Variants in ZFPM2 observed in about 807,000 individuals in gnomAD.
ZFPM2 encodes the protein zinc finger protein ZFPM2.
Under a neutral mutation model 98.6 loss-of-function variants are expected in ZFPM2, and 20 were observed. The ratio of observed to expected loss-of-function variants is 0.20; its 90% CI spans 0.14 to 0.29. ZFPM2 has a LOEUF of 0.29. Among genes scored for constraint, ZFPM2 ranks in the 10% least tolerant of loss-of-function variants. The probability of loss-of-function intolerance (pLI) is 1.00; values close to 1 mark genes in which losing one functional copy is unlikely to be tolerated. For synonymous variants in ZFPM2, 518 were observed against 502.7 expected (o/e 1.03, Z -0.41); for missense variants, 1,310 against 1,388.6 (o/e 0.94, Z 0.90).
At chr8:105,482,274 A>G (rs1024351049) in intron 3 of ZFPM2, among the ~76,000 whole-genome samples, 9 of 152,102 alleles carry the variant, frequency 5.9e-5, no homozygotes, top group African/African-American at 2.2e-4. Context: ...TTTTGGCTAT[A>G]ATTCTGTTTA....
intron 4 of ZFPM2, among the ~76,000 whole-genome samples, chr8:105,630,824 C>T (rs1488518949): frequency 1.3e-5 from 2 of 151,880 alleles, no homozygotes; most frequent in African/African-American, 4.8e-5. Context: ...ACAAGTAAAC[C>T]ATTAATATTG....
At chr8:105,694,962 TTA>T (rs1810980375) in intron 5 of ZFPM2, among the ~76,000 whole-genome samples, 1 of 152,126 alleles carries the variant, frequency 6.6e-6, no homozygotes, top group Non-Finnish European at 1.5e-5. Flanking sequence ...CTCAAATATA[TTA>T]TGTCTCATTT....
intron 3 of ZFPM2, among the ~76,000 whole-genome samples, chr8:105,466,422 C>T: frequency 6.6e-6 from 1 of 151,958 alleles, no homozygotes; most frequent in Non-Finnish European, 1.5e-5. Context: ...AATTATTAGT[C>T]AATTTTAAAG....
rs1412648298 is a variant in ZFPM2, at chr8:105,801,726, T to C, written c.1644T>C (p.Ala548=). ...VIYSPLMPKG[A]TCFECNITFN... is the part of the protein sequence containing the mutation. The stretch of plus-strand genomic sequence containing the variant: ...ACAGCCCTTTGATGCCCAAGGGGGC[T>C]ACTTGTTTTGAGTGTAACATAACAT... Residue 548 remains alanine (A), a synonymous_variant, in exon 8 of 8, where the codon GCT becomes GCC. Transcript: ENST00000407775. 1 of 1,613,942 alleles carries C rather than the reference T, an allele frequency of 6.2e-7. No individual in the cohort carries two copies. The highest frequency in any genetic ancestry group is 8.5e-7 in the Non-Finnish European group (1 of 1,179,872).
intron 3 of ZFPM2, among the ~76,000 whole-genome samples, chr8:105,550,917 A>G (rs543734281): frequency 2.0e-5 from 3 of 152,334 alleles, no homozygotes; most frequent in African/African-American, 7.2e-5. Flanking sequence ...CTCATCAGTT[A>G]TGTGTAACTT....
At chr8:105,338,530 T>G (rs1349698609) in intron 1 of ZFPM2, among the ~76,000 whole-genome samples, 4 of 151,880 alleles carry the variant, frequency 2.6e-5, no homozygotes, top group Non-Finnish European at 5.9e-5. Flanking sequence ...TTTTTAAAAG[T>G]CTCAGTTAAA....
intron 5 of ZFPM2, among the ~76,000 whole-genome samples, chr8:105,776,060 T>C (rs1563558528): frequency 6.6e-6 from 1 of 151,494 alleles, no homozygotes; most frequent in Non-Finnish European, 1.5e-5. Context: ...GAAAGGAAAT[T>C]ATCTTAATAG....
chr8:105,532,965 A>G (rs1405378415), intron 3 of ZFPM2, among the ~76,000 whole-genome samples: 1 of 152,166 alleles, frequency 6.6e-6, no homozygotes, highest in Non-Finnish European at 1.5e-5. Context: ...CTGTATCACT[A>G]CATTAGTATT....
chr8:105,766,427 G>A (rs1305275490), intron 5 of ZFPM2, among the ~76,000 whole-genome samples: 1 of 151,906 alleles, frequency 6.6e-6, no homozygotes, highest in East Asian at 1.9e-4. Flanking sequence ...AGGCAATGGA[G>A]AGCCACTCAA....
chr8:105,557,509 C>A (rs1014412427), intron 3 of ZFPM2, among the ~76,000 whole-genome samples: 12 of 152,108 alleles, frequency 7.9e-5, no homozygotes, highest in African/African-American at 2.9e-4. Context: ...AAGTGAGATA[C>A]CTGTGTAACA....
At chr8:105,769,129 T>C (rs527629759) in intron 5 of ZFPM2, among the ~76,000 whole-genome samples, 1 of 152,140 alleles carries the variant, frequency 6.6e-6, no homozygotes, top group African/African-American at 2.4e-5. Context: ...ATGTTCATGT[T>C]TTGGGTGGAT....
In ZFPM2 at chr8:105,354,986, G is replaced by A. The variant is rs190182839; in HGVS notation, c.40+36005G>A. 1.2e-4 allele frequency among the ~76,000 whole-genome samples: 18 copies of A among 151,764 alleles called. No homozygotes were observed. In the South Asian group the frequency reaches 1.7e-3, roughly 14 times the overall value. Reference sequence around the variant, plus strand: ...AAAAAAGAAAAACACAAAAAACAGCGGCAACAAAAAATCAAATGTTCTAAA... The same window carrying A: ...AAAAAAGAAAAACACAAAAAACAGCAGCAACAAAAAATCAAATGTTCTAAA... On this transcript the variant is annotated intron_variant, in intron 1 of 7. Transcript: ENST00000407775.
rs150524893 is a variant in ZFPM2 at position 105,459,172 on chromosome 8, A to G, written c.301+14791A>G. 9.4e-3 allele frequency among the ~76,000 whole-genome samples: 1,428 copies of G among 152,232 alleles called. 11 individuals carry two copies. Among genetic ancestry groups the G allele is most frequent in the Non-Finnish European group, 0.015 (995 of 68,016 alleles). ...CACTATTCTCCCACCTCAGCCTCCCAGATAGCTGGGACCACAGGTGTACAC... is the reference window on the plus strand; with the variant it reads ...CACTATTCTCCCACCTCAGCCTCCCGGATAGCTGGGACCACAGGTGTACAC... On this transcript the variant is annotated intron_variant, in intron 3 of 7. Coordinates refer to ENST00000407775, the MANE Select transcript of ZFPM2 (RefSeq NM_012082.4).
intron 5 of ZFPM2, among the ~76,000 whole-genome samples, chr8:105,743,546 G>T (rs774898571): frequency 6.6e-6 from 1 of 152,002 alleles, no homozygotes; most frequent in Non-Finnish European, 1.5e-5. Flanking sequence ...TAATATGGAA[G>T]CTGGTGGGGG....
intron 4 of ZFPM2, among the ~76,000 whole-genome samples, chr8:105,601,861 G>T (rs773505202): frequency 1.3e-5 from 2 of 152,168 alleles, no homozygotes; most frequent in Admixed American, 6.6e-5. Context: ...TTAAAGAAAA[G>T]GATAAATTTA....
chr8:105,531,225 A>C (rs1290923027), intron 3 of ZFPM2, among the ~76,000 whole-genome samples: 1 of 152,178 alleles, frequency 6.6e-6, no homozygotes, highest in Non-Finnish European at 1.5e-5. Flanking sequence ...CTGCTGTAAC[A>C]AAATGGATGG....
intron 5 of ZFPM2, among the ~76,000 whole-genome samples, chr8:105,638,298 CCTG>C (rs1816887679): frequency 6.6e-6 from 1 of 151,992 alleles, no homozygotes; most frequent in South Asian, 2.1e-4. Flanking sequence ...TAAAATTAAC[CCTG>C]CATGAGCCAC....
intron 4 of ZFPM2, among the ~76,000 whole-genome samples, chr8:105,625,394 T>C (rs1185293473): frequency 6.6e-6 from 1 of 152,126 alleles, no homozygotes; most frequent in Non-Finnish European, 1.5e-5. Context: ...ATATATAGAA[T>C]CACATATACA....
chr8:105,798,712 T>G lies in ZFPM2; in HGVS notation c.740-12T>G. On this transcript the variant is annotated splice_polypyrimidine_tract_variant and intron_variant, in intron 6 of 7. Transcript: ENST00000407775. ...ACAGCAGCAAATGTGTCTCTTGTGT[T>G]TTTACCTGCAGAGGATATATTCCCT... The G allele has an allele frequency of 6.2e-7, 1 of 1,607,018 alleles. No individual in the cohort carries two copies. The highest frequency in any genetic ancestry group is 8.5e-7 in the Non-Finnish European group (1 of 1,175,494).
Sources: allele counts gnomAD v4.1 joint callset (sites outside exome capture counted in the v4.1 genomes callset), GRCh38; gene constraint gnomAD v4.1.1; transcripts MANE v1.5; gene names NCBI Gene and HGNC (gene_info 2026-07-23, HGNC 2026-07-21).